Variants in MAPK10 observed in about 807,000 individuals in gnomAD.
The protein encoded by MAPK10 is JNK3 alpha protein kinase.
MAPK10 carries 25 observed loss-of-function variants against 59.3 expected under a neutral mutation model. The observed-to-expected ratio is 0.42, with a 90% CI of 0.31 to 0.59. MAPK10 has a LOEUF of 0.59. MAPK10 is among the 20% of genes least tolerant of loss of function. The pLI is 0.15. For missense variants in MAPK10, 351 were observed against 568.9 expected (o/e 0.62, Z 3.90); for synonymous variants, 190 against 200.5 (o/e 0.95, Z 0.44).
intron 2 of MAPK10, among the ~76,000 whole-genome samples, chr4:86,296,175 CAA>C (rs34854999): frequency 1.3e-4 from 15 of 116,198 alleles, no homozygotes; most frequent in Admixed American, 1.8e-4. Context: ...GACTTGGTCT[CAA>C]AAAAAAAAAA....
intron 1 of MAPK10, among the ~76,000 whole-genome samples, chr4:86,567,620 T>C (rs1357449007): frequency 6.6e-6 from 1 of 152,224 alleles, no homozygotes; most frequent in Non-Finnish European, 1.5e-5. Flanking sequence ...CACCACTATG[T>C]AATATATCTA....
chr4:86,304,387 CTT>C (rs1162506350), intron 2 of MAPK10, among the ~76,000 whole-genome samples: 62 of 112,530 alleles, frequency 5.5e-4, no homozygotes, highest in Admixed American at 1.3e-3. Context: ...TGGAGTATTT[CTT>C]TTTTTTTTTT....
At chr4:86,210,083 A>G (rs1422763116) in intron 2 of MAPK10, among the ~76,000 whole-genome samples, 3 of 152,096 alleles carry the variant, frequency 2.0e-5, no homozygotes, top group Non-Finnish European at 4.4e-5. Flanking sequence ...ATGCAGAAGA[A>G]TAAAACTAGA....
intron 1 of MAPK10, among the ~76,000 whole-genome samples, chr4:86,417,048 A>C (rs1003363563): frequency 2.0e-5 from 3 of 152,216 alleles, no homozygotes; most frequent in Non-Finnish European, 4.4e-5. Context: ...TAACATGTAC[A>C]CATATAAATA....
intron 2 of MAPK10, among the ~76,000 whole-genome samples, chr4:86,201,578 C>G (rs1424795816): frequency 6.6e-6 from 1 of 151,816 alleles, no homozygotes; most frequent in Non-Finnish European, 1.5e-5. Context: ...AATGCTTTAT[C>G]TATTCCAGAT....
chr4:86,368,288 C>G (rs983350965), intron 1 of MAPK10, among the ~76,000 whole-genome samples: 1 of 152,106 alleles, frequency 6.6e-6, no homozygotes, highest in Non-Finnish European at 1.5e-5. Flanking sequence ...TACTCCCTCC[C>G]CATAGTTTCC....
At chr4:86,233,894 C>T (rs2091921398) in intron 2 of MAPK10, among the ~76,000 whole-genome samples, 1 of 152,174 alleles carries the variant, frequency 6.6e-6, no homozygotes, top group Non-Finnish European at 1.5e-5. Context: ...AGGCGTGTGC[C>T]TTCCTTCTGA....
chr4:86,547,039 G>A lies in MAPK10; in HGVS notation c.-263+46871C>T, dbSNP rs535732595. ...TGCACTCCAGCCTGGGCGACAGAGC[G>A]AGACTCCGTCTAAAAACAAACAAAA... is the stretch of plus-strand genomic sequence containing the variant. On this transcript the variant is annotated intron_variant, in intron 1 of 4. Coordinates refer to the MAPK10 transcript ENST00000502302. 1.5e-3 allele frequency among the ~76,000 whole-genome samples: 235 copies of A among 152,306 alleles called. 2 individuals carry two copies. The highest frequency in any genetic ancestry group is 5.1e-3 in the African/African-American group (213 of 41,572).
intron 2 of MAPK10, among the ~76,000 whole-genome samples, chr4:86,243,608 C>A (rs1029582368): frequency 3.9e-5 from 6 of 152,126 alleles, no homozygotes; most frequent in Non-Finnish European, 7.4e-5. Flanking sequence ...CATGCCCTTT[C>A]CTCAGCCTGA....
chr4:86,514,775 T>G (rs1756533180), intron 1 of MAPK10, among the ~76,000 whole-genome samples: 1 of 152,210 alleles, frequency 6.6e-6, no homozygotes, highest in South Asian at 2.1e-4. Context: ...AGAAGCATTG[T>G]TCATGTATTA....
chr4:86,169,229 G>C (rs576351896), intron 3 of MAPK10, among the ~76,000 whole-genome samples: 2 of 152,226 alleles, frequency 1.3e-5, no homozygotes, highest in Non-Finnish European at 2.9e-5. Context: ...ACTTTGACGA[G>C]TTGAGAGAAG....
chr4:86,039,999 A>C (rs1001678246), intron 11 of MAPK10, among the ~76,000 whole-genome samples: 10 of 152,192 alleles, frequency 6.6e-5, no homozygotes, highest in Non-Finnish European at 1.0e-4. Context: ...GGTTCTATGG[A>C]AAGGCTGACT....
At chr4:86,463,516 T>A (rs1035442143) in intron 1 of MAPK10, among the ~76,000 whole-genome samples, 1 of 152,216 alleles carries the variant, frequency 6.6e-6, no homozygotes, top group African/African-American at 2.4e-5. Flanking sequence ...ATTACTCCAA[T>A]GTTATGATCA....
intron 1 of MAPK10, chr4:86,358,757 T>C (rs1445797809): frequency 6.6e-6 from 1 of 152,220 alleles, no homozygotes; most frequent in Admixed American, 6.5e-5. Context: ...TACATTTATT[T>C]TGTTGAAGGC....
At chr4:86,105,704 G>A (rs1165669094) in intron 5 of MAPK10, among the ~76,000 whole-genome samples, 4 of 151,902 alleles carry the variant, frequency 2.6e-5, no homozygotes, top group Non-Finnish European at 5.9e-5. Context: ...TTAACATACT[G>A]AAAGAACAAA....
chr4:86,493,144 A>C (rs1478063827), intron 1 of MAPK10, among the ~76,000 whole-genome samples: 2 of 152,082 alleles, frequency 1.3e-5, no homozygotes, highest in Non-Finnish European at 1.5e-5. Context: ...TCTGTACCTC[A>C]CTTCCGATTC....
intron 1 of MAPK10, among the ~76,000 whole-genome samples, chr4:86,586,320 T>A (rs1163575799): frequency 6.6e-6 from 1 of 152,122 alleles, no homozygotes; most frequent in Non-Finnish European, 1.5e-5. Context: ...GTACTACATA[T>A]ACTTCCTTGA....
intron 9 of MAPK10, among the ~76,000 whole-genome samples, chr4:86,094,375 G>C (rs2053831984): frequency 6.6e-6 from 1 of 151,932 alleles, no homozygotes. Context: ...GGCAAGAGGA[G>C]CTATTTTAGC....
At chr4:86,321,478 C>T (rs1051810802) in intron 2 of MAPK10, among the ~76,000 whole-genome samples, 16 of 151,124 alleles carry the variant, frequency 1.1e-4, no homozygotes, top group African/African-American at 2.9e-4. Context: ...AGTAAACTAT[C>T]GCAAGAACAA....
Sources: allele counts gnomAD v4.1 joint callset (sites outside exome capture counted in the v4.1 genomes callset), GRCh38; gene constraint gnomAD v4.1.1; transcripts MANE v1.5; gene names NCBI Gene and HGNC (gene_info 2026-07-23, HGNC 2026-07-21).